NRG4: variants seen among roughly 807,000 people sequenced by gnomAD.
NRG4 encodes the protein pro-neuregulin-4, membrane-bound isoform.
NRG4 carries 10 observed loss-of-function variants against 15.0 expected under a neutral mutation model. The ratio of observed to expected loss-of-function variants is 0.67; its 90% CI spans 0.41 to 1.13. NRG4 has a LOEUF of 1.13. NRG4 is among the 50% of genes most tolerant of loss of function. The probability of loss-of-function intolerance (pLI) is 0.00; values close to 1 mark genes in which losing one functional copy is unlikely to be tolerated. For synonymous variants in NRG4, 41 were observed against 50.1 expected, an observed-to-expected ratio of 0.82 and a Z score of 0.77; for missense variants, 139 against 140.2, an observed-to-expected ratio of 0.99 and a Z score of 0.04.
intron 3 of NRG4, among the ~76,000 whole-genome samples, chr15:76,002,691 A>G (rs1250660200): frequency 6.6e-6 from 1 of 152,206 alleles, no homozygotes; most frequent in African/African-American, 2.4e-5. Flanking sequence ...TATTAATAGC[A>G]GAGAGGTAGA....
intron 3 of NRG4, among the ~76,000 whole-genome samples, chr15:75,998,394 C>G (rs1021621904): frequency 4.6e-5 from 7 of 152,050 alleles, no homozygotes; most frequent in Non-Finnish European, 1.5e-5. Context: ...ATAGTGAAGA[C>G]TAAAAGGATG....
At chr15:75,944,397 A>G (rs779515932) in intron 5 of NRG4, among the ~76,000 whole-genome samples, 1 of 152,208 alleles carries the variant, frequency 6.6e-6, no homozygotes, top group African/African-American at 2.4e-5. Context: ...TTAGGGCATT[A>G]TTGCAGTAGG....
rs1252798883 is a variant in NRG4, at chr15:75,942,561, G to GTGTT, written c.*1073_*1076dup. ...CTCTGTCTCAATGTCTTACCCTCAT[G>GTGTT]TGTTTGTGAAATGAGTGAATGATGG... On this transcript the variant is annotated 3_prime_UTR_variant, in exon 6 of 6. Coordinates refer to ENST00000394907, the MANE Select transcript of NRG4 (RefSeq NM_138573.4). 6.6e-6 allele frequency: 1 copy of GTGTT among 152,176 alleles called. No homozygotes were observed. The highest frequency in any genetic ancestry group is 1.5e-5 in the Non-Finnish European group (1 of 68,042). The allele number at this position is 152,176 out of a possible 1,614,324, so 9.4% of individuals were successfully genotyped here. A position where few individuals can be genotyped will look rare whatever the true frequency, so the allele number is the denominator to read the frequency against.
At chr15:76,054,354 G>A (rs1171770017) in intron 2 of NRG4, among the ~76,000 whole-genome samples, 1 of 151,734 alleles carries the variant, frequency 6.6e-6, no homozygotes, top group South Asian at 2.1e-4. Context: ...GCCTCCCAAA[G>A]TGCTAGGATT....
intron 5 of NRG4, 57 bp from the exon 6 acceptor site, chr15:75,943,711 G>T: frequency 9.2e-7 from 1 of 1,092,324 alleles, no homozygotes; most frequent in Non-Finnish European, 1.4e-6. Context: ...TTCTTACTAC[G>T]CACACCTATC....
intron 2 of NRG4, among the ~76,000 whole-genome samples, chr15:76,054,496 C>T (rs1301708564): frequency 6.6e-6 from 1 of 152,114 alleles, no homozygotes; most frequent in African/African-American, 2.4e-5. Flanking sequence ...CTCACTGCAA[C>T]CTCCGCCTCC....
At chr15:76,031,620 G>T (rs1302722352) in intron 5 of NRG4, among the ~76,000 whole-genome samples, 1 of 152,186 alleles carries the variant, frequency 6.6e-6, no homozygotes, top group East Asian at 1.9e-4. Context: ...AACTCAGGAG[G>T]TGGAGGTTGC....
At position 76,047,991 on chromosome 15, in the gene NRG4, A is replaced by C. The variant is rs940103608; in HGVS notation, c.-105+4076T>G. Among the ~76,000 whole-genome samples the C allele has an allele frequency of 4.7e-5, 7 of 149,250 alleles. 1 individual carries two copies. Among genetic ancestry groups the C allele is most frequent in the Admixed American group, 4.6e-4 (7 of 15,070 alleles). ...GGCAACATAGTGAGACCATGTGTCC[A>C]AAAAAAATGTTTTTTAATTAGCTGA... is the stretch of plus-strand genomic sequence containing the variant. On this transcript the variant is annotated intron_variant, in intron 4 of 8. Transcript: ENST00000563910.
intron 3 of NRG4, among the ~76,000 whole-genome samples, chr15:75,966,204 A>T (rs1020676659): frequency 6.6e-6 from 1 of 152,238 alleles, no homozygotes; most frequent in African/African-American, 2.4e-5. Flanking sequence ...GGAAGTTGTT[A>T]CAACATAGGA....
At chr15:76,021,893 A>G (rs1156761161) in intron 5 of NRG4, among the ~76,000 whole-genome samples, 2 of 152,114 alleles carry the variant, frequency 1.3e-5, no homozygotes, top group Non-Finnish European at 2.9e-5. Context: ...ATGGAAGACA[A>G]TTTTTCCATG....
At position 75,990,586 on chromosome 15, in the gene NRG4, C is replaced by T. The variant is rs542463547; in HGVS notation, c.104+18614G>A. ...TCATCAAGGCAGGAAGCAGAAGCCTCTATTATAATTCTTCTGATATCTGTA... is the reference window on the plus strand; with the variant it reads ...TCATCAAGGCAGGAAGCAGAAGCCTTTATTATAATTCTTCTGATATCTGTA... On this transcript the variant is annotated intron_variant, in intron 3 of 5. Transcript: ENST00000394907. 3.3e-5 allele frequency among the ~76,000 whole-genome samples: 5 copies of T among 151,342 alleles called. No individual in the cohort carries two copies. The South Asian group carries it at 6.3e-4, about 19-fold the overall frequency.
intron 5 of NRG4, among the ~76,000 whole-genome samples, chr15:76,017,584 C>T (rs1029443691): frequency 1.3e-5 from 2 of 152,122 alleles, no homozygotes; most frequent in African/African-American, 4.8e-5. Context: ...ATTTCTCCTT[C>T]ACTAATGAAG....
At chr15:75,984,517 C>G (rs960036242) in intron 3 of NRG4, among the ~76,000 whole-genome samples, 6 of 152,108 alleles carry the variant, frequency 3.9e-5, no homozygotes, top group African/African-American at 1.4e-4. Context: ...AACCATCATT[C>G]TCAGCAAACT....
intron 5 of NRG4, among the ~76,000 whole-genome samples, chr15:75,944,704 G>T (rs1032940281): frequency 2.6e-5 from 4 of 152,078 alleles, no homozygotes; most frequent in African/African-American, 9.7e-5. Context: ...CCTCATCAGA[G>T]AATCTAACTT....
intron 1 of NRG4, among the ~76,000 whole-genome samples, chr15:76,057,603 T>C (rs1212095050): frequency 6.6e-6 from 1 of 152,058 alleles, no homozygotes; most frequent in African/African-American, 2.4e-5. Flanking sequence ...TTTGGGGAGG[T>C]GCTGTGAAGT....
chr15:75,959,476 A>C (rs2032411255), intron 4 of NRG4, among the ~76,000 whole-genome samples: 1 of 151,520 alleles, frequency 6.6e-6, no homozygotes, highest in Non-Finnish European at 1.5e-5. Context: ...TAAATATATA[A>C]ATAAATATTA....
intron 3 of NRG4, among the ~76,000 whole-genome samples, chr15:75,970,474 G>A (rs2033038849): frequency 6.6e-6 from 1 of 152,206 alleles, no homozygotes; most frequent in African/African-American, 2.4e-5. Context: ...TTGTGGACAG[G>A]GTACAGAGCT....
intron 3 of NRG4, among the ~76,000 whole-genome samples, chr15:75,966,940 C>T (rs1241135126): frequency 1.3e-5 from 2 of 151,810 alleles, no homozygotes; most frequent in East Asian, 1.9e-4. Context: ...GATGGTGAAA[C>T]CCCATCTCTA....
At position 75,943,626 on chromosome 15, in the gene NRG4, T is replaced by G. The variant is rs1331428119; in HGVS notation, c.*12A>C. On this transcript the variant is annotated 3_prime_UTR_variant, in exon 6 of 6. Coordinates refer to ENST00000394907, the MANE Select transcript of NRG4 (RefSeq NM_138573.4). ...AAATAAAAACAATGATTTGGTTCAC[T>G]TTGACGTTTCTTCAGTGTTGTTCAT... is the stretch of plus-strand genomic sequence containing the variant. The G allele has an allele frequency of 6.5e-7, 1 of 1,540,778 alleles. No homozygotes were observed. Among genetic ancestry groups the G allele is most frequent in the Non-Finnish European group, 9.0e-7 (1 of 1,115,278 alleles).
Sources: allele counts gnomAD v4.1 joint callset (sites outside exome capture counted in the v4.1 genomes callset), GRCh38; gene constraint gnomAD v4.1.1; transcripts MANE v1.5; gene names NCBI Gene and HGNC (gene_info 2026-07-23, HGNC 2026-07-21).